ZC3H12D: variants seen among roughly 807,000 people sequenced by gnomAD.
ZC3H12D encodes the protein probable ribonuclease ZC3H12D.
Under a neutral mutation model 24.2 loss-of-function variants are expected in ZC3H12D, and 11 were observed. The ratio of observed to expected loss-of-function variants is 0.46; its 90% CI spans 0.29 to 0.75. ZC3H12D has a LOEUF of 0.75. Among genes scored for constraint, ZC3H12D ranks in the 30% least tolerant of loss-of-function variants. The pLI is 0.11. For missense variants in ZC3H12D, 740 were observed against 767.7 expected (o/e 0.96, Z 0.43); for synonymous variants, 333 against 341.8 (o/e 0.97, Z 0.28).
intron 2 of ZC3H12D, among the ~76,000 whole-genome samples, chr6:149,465,123 G>A (rs1280986960): frequency 1.3e-5 from 2 of 152,212 alleles, no homozygotes; most frequent in Non-Finnish European, 2.9e-5. Context: ...GGAGGCTGAG[G>A]TGGGCGGATC....
intron 2 of ZC3H12D, among the ~76,000 whole-genome samples, chr6:149,466,561 T>C (rs573221155): frequency 1.7e-3 from 254 of 151,466 alleles, no homozygotes; most frequent in African/African-American, 5.9e-3. Flanking sequence ...CAAGGGAAAA[T>C]AGCACCACCA....
chr6:149,463,027 T>C (rs1437444217), intron 2 of ZC3H12D, among the ~76,000 whole-genome samples: 1 of 152,230 alleles, frequency 6.6e-6, no homozygotes, highest in Non-Finnish European at 1.5e-5. Flanking sequence ...TATATACATG[T>C]AGCCTATTAG....
chr6:149,456,622 C>CCCCCCCCCCCCCCCCCCCGGGGGGCG lies in ZC3H12D; in HGVS notation c.680+43_680+44insCGCCCCCCGGGGGGGGGGGGGGGGGG. The CCCCCCCCCCCCCCCCCCCGGGGGGCG allele has an allele frequency of 7.6e-7, 1 of 1,314,358 alleles. No homozygotes were observed. The highest frequency in any genetic ancestry group is 1.1e-6 in the Non-Finnish European group (1 of 921,308). 81.4% of individuals were successfully genotyped at this position (1,314,358 alleles called of 1,614,324 possible). A position where few individuals can be genotyped will look rare whatever the true frequency, so the allele number is the denominator to read the frequency against. On this transcript the variant is annotated intron_variant, in intron 4 of 5. Coordinates refer to ENST00000409806, the MANE Select transcript of ZC3H12D (RefSeq NM_207360.3). This position sits in a 1 kb window ranked among gnomAD's most constrained non-coding sequence, Gnocchi z 4.3. ...GGCCACTGCCTCGACCCCGGCCCCC[C>CCCCCCCCCCCCCCCCCCCGGGGGGCG]GCCCCGCCGCCCCCCAGGGTGTCAG...
chr6:149,469,539 G>A (rs987138009), intron 2 of ZC3H12D, among the ~76,000 whole-genome samples: 1 of 152,020 alleles, frequency 6.6e-6, no homozygotes, highest in Non-Finnish European at 1.5e-5. Context: ...TTTTGAACAC[G>A]CTTTCAATGA....
rs1775875700 is a variant in ZC3H12D, at chr6:149,450,770, G to A, written c.1497C>T (p.Ala499=). The A allele has an allele frequency of 1.9e-6, 3 of 1,549,276 alleles. No homozygotes were observed. Among genetic ancestry groups the A allele is most frequent in the East Asian group, 4.9e-5 (2 of 40,908 alleles). Residue 499 remains alanine, a synonymous_variant, in exon 6 of 6, where the codon GCC becomes GCT. Coordinates refer to ENST00000409806, the MANE Select transcript of ZC3H12D (RefSeq NM_207360.3). The stretch of plus-strand genomic sequence containing the variant: ...CGAGGTCTGAGAGCTCCGGGAACGC[G>A]GCCATCACGCGGTCCACCTGGTCAC... The part of the protein sequence containing the change: ...FPRDQVDRVM[A]AFPELSDLAR...
chr6:149,474,263 A>G lies in ZC3H12D; in HGVS notation c.281T>C (p.Ile94Thr), dbSNP rs761988379. ...TLASSLRPIV[I>T]DGSNVAMSHG... ...CCTCATCGCCACGTTGCTGCCATCA[A>G]TCACTATGGGTCGCAGAGAACTGGC... The change falls in exon 2 of 6, where the codon ATT (isoleucine) becomes ACT (threonine). Residue 94 changes from isoleucine (I) to threonine (T), a missense_variant. By Grantham distance (89) the Ile-to-Thr change is moderately conservative (BLOSUM62 -1). Coordinates refer to ENST00000409806, the MANE Select transcript of ZC3H12D (RefSeq NM_207360.3). 1.3e-6 allele frequency: 2 copies of G among 1,490,158 alleles called. No individual in the cohort carries two copies. The highest frequency in any genetic ancestry group is 1.8e-6 in the Non-Finnish European group (2 of 1,110,378). The allele number at this position is 1,490,158 out of a possible 1,614,324, so 92.3% of individuals were successfully genotyped here. A position where few individuals can be genotyped will look rare whatever the true frequency, so the allele number is the denominator to read the frequency against.
At chr6:149,474,096 A>T in intron 2 of ZC3H12D, 143 bp downstream of exon 2, 1 of 609,198 alleles carries the variant, frequency 1.6e-6, no homozygotes, top group Non-Finnish European at 2.6e-6. Flanking sequence ...CCACACAGTT[A>T]CTAAGAGATG....
chr6:149,460,558 G>T (rs185169906), intron 3 of ZC3H12D, among the ~76,000 whole-genome samples: 1 of 152,068 alleles, frequency 6.6e-6, no homozygotes, highest in African/African-American at 2.4e-5. Flanking sequence ...GCTAGGGCAG[G>T]GTGCGGTGGC....
At chr6:149,464,857 G>A (rs555731903) in intron 2 of ZC3H12D, among the ~76,000 whole-genome samples, 160 of 152,282 alleles carry the variant, frequency 1.1e-3, no homozygotes, top group Non-Finnish European at 1.9e-3. Flanking sequence ...CGAGGAATGA[G>A]CCCGGGCAAC....
chr6:149,463,617 G>C (rs1291214374), intron 2 of ZC3H12D, among the ~76,000 whole-genome samples: 1 of 152,242 alleles, frequency 6.6e-6, no homozygotes, highest in African/African-American at 2.4e-5. Context: ...GCTGAGGCAG[G>C]AGAATTGCTC....
intron 2 of ZC3H12D, among the ~76,000 whole-genome samples, chr6:149,471,115 A>G (rs1206912471): frequency 1.3e-5 from 2 of 152,256 alleles, no homozygotes; most frequent in East Asian, 3.8e-4. Context: ...TGATGCCAGT[A>G]GTCCTGCTTA....
chr6:149,459,732 G>T (rs1040773091), intron 3 of ZC3H12D: 1 of 716,944 alleles, frequency 1.4e-6, no homozygotes, highest in Non-Finnish European at 2.6e-6. Flanking sequence ...CATTGTGGCT[G>T]TTGACCTCCT....
chr6:149,472,088 C>T (rs439495), intron 2 of ZC3H12D, among the ~76,000 whole-genome samples: 60,796 of 152,056 alleles, frequency 0.4, 12,852 homozygotes, highest in African/African-American at 0.51. Flanking sequence ...CAGCACCCAC[C>T]TGAACCTTTC....
At chr6:149,483,043 C>T (rs114668059) in intron 1 of ZC3H12D, 2,637 of 153,912 alleles carry the variant, frequency 0.017, 82 homozygotes, top group African/African-American at 0.059. Context: ...AGTCTGTTCC[C>T]GGGTCACCTC....
chr6:149,452,429 G>A lies in ZC3H12D; in HGVS notation c.787+187C>T, dbSNP rs111323625. The A allele has an allele frequency of 6.6e-3, 3,166 of 482,478 alleles. 69 individuals are homozygous for A. The highest frequency in any genetic ancestry group is 0.056 in the African/African-American group (2,766 of 49,594). 29.9% of individuals were successfully genotyped at this position (482,478 alleles called of 1,614,324 possible). A position where few individuals can be genotyped will look rare whatever the true frequency, so the allele number is the denominator to read the frequency against. On this transcript the variant is annotated intron_variant, in intron 5 of 5. Coordinates refer to ENST00000409806, the MANE Select transcript of ZC3H12D (RefSeq NM_207360.3). This position sits in a 1 kb window ranked among gnomAD's most constrained non-coding sequence, Gnocchi z 4.0. Reference sequence around the variant, plus strand: ...GGATCCTGGCTCCCATGAAATCACCGGCCAGGATGTCAGTTCTACAATAAC... The same window carrying A: ...GGATCCTGGCTCCCATGAAATCACCAGCCAGGATGTCAGTTCTACAATAAC...
At chr6:149,458,815 T>G (rs1776029236) in intron 3 of ZC3H12D, among the ~76,000 whole-genome samples, 1 of 152,218 alleles carries the variant, frequency 6.6e-6, no homozygotes, top group African/African-American at 2.4e-5. Flanking sequence ...CTATTGTGGT[T>G]TTATTTTGCA....
intron 2 of ZC3H12D, among the ~76,000 whole-genome samples, chr6:149,473,332 C>T (rs568778661): frequency 2.5e-4 from 38 of 152,194 alleles, no homozygotes; most frequent in Non-Finnish European, 5.4e-4. Context: ...TGGATTCCCA[C>T]CTATGGTGGG....
intron 2 of ZC3H12D, among the ~76,000 whole-genome samples, chr6:149,472,713 G>A (rs1776264836): frequency 6.6e-6 from 1 of 151,994 alleles, no homozygotes; most frequent in Non-Finnish European, 1.5e-5. Flanking sequence ...CATGTTTTTT[G>A]TTGCCCCTGA....
At chr6:149,467,022 G>A (rs1173892176) in intron 2 of ZC3H12D, among the ~76,000 whole-genome samples, 1 of 152,180 alleles carries the variant, frequency 6.6e-6, no homozygotes, top group Non-Finnish European at 1.5e-5. Flanking sequence ...GACACCTTTG[G>A]TGGGTGTAGG....
Sources: allele counts gnomAD v4.1 joint callset (sites outside exome capture counted in the v4.1 genomes callset), GRCh38; gene constraint gnomAD v4.1.1; non-coding constraint Gnocchi (gnomAD v3.1); transcripts MANE v1.5; gene names NCBI Gene and HGNC (gene_info 2026-07-23, HGNC 2026-07-21).